AEN: variants seen among roughly 807,000 people sequenced by gnomAD.
The protein encoded by AEN is apoptosis enhancing nuclease.
AEN carries 21 observed loss-of-function variants against 17.7 expected under a neutral mutation model. The observed-to-expected ratio is 1.19, with a 90% CI of 0.84 to 1.71. The LOEUF is 1.71. Among genes scored for constraint, AEN ranks in the 40% most tolerant of loss-of-function variants. The pLI is 0.00. For synonymous variants in AEN, 190 were observed against 173.0 expected (o/e 1.10, Z -0.77); for missense variants, 462 against 435.9 (o/e 1.06, Z -0.53).
At chr15:88,613,160 T>C in the AEN span, among the ~76,000 whole-genome samples, 1 of 152,186 alleles carries the variant, frequency 6.6e-6, no homozygotes. Context: ...CTGAGCTCAT[T>C]CTACCTCTTC....
intron 2 of AEN, chr15:88,628,797 A>G (rs566813247): frequency 6.1e-6 from 1 of 164,010 alleles, no homozygotes; most frequent in Non-Finnish European, 1.3e-5. Flanking sequence ...AAGAAGTCCA[A>G]CATGGTCCCT....
chr15:88,614,751 C>T, the AEN span, among the ~76,000 whole-genome samples: 1 of 152,178 alleles, frequency 6.6e-6, no homozygotes, highest in Non-Finnish European at 1.5e-5. Context: ...TTGTCAGTCT[C>T]AGCGACAAAC....
At chr15:88,607,350 C>T in the AEN span, among the ~76,000 whole-genome samples, 6 of 152,220 alleles carry the variant, frequency 3.9e-5, no homozygotes, top group East Asian at 1.9e-4. Flanking sequence ...CCACTTTCAC[C>T]TGTCAGCCTT....
At position 88,626,345 on chromosome 15, in the gene AEN, T is replaced by A. The variant is rs769442751; in HGVS notation, c.136T>A (p.Leu46Met). ...QHQRFMARKA[L>M]LQEQGLLSMP... Reference sequence around the variant, plus strand: ...CCAGCGGTTCATGGCCCGGAAGGCCTTGCTGCAGGAGCAGGGGCTGCTGAG... The same window carrying A: ...CCAGCGGTTCATGGCCCGGAAGGCCATGCTGCAGGAGCAGGGGCTGCTGAG... The change falls in exon 2 of 4, where the codon TTG (leucine) becomes ATG (methionine). Residue 46 changes from leucine (L) to methionine (M), a missense_variant. By Grantham distance (15) the Leu-to-Met change is conservative. Coordinates refer to ENST00000332810, the MANE Select transcript of AEN (RefSeq NM_022767.4). The A allele has an allele frequency of 5.0e-6, 8 of 1,613,312 alleles. No individual in the cohort carries two copies. The South Asian group carries it at 6.6e-5, about 13-fold the overall frequency.
chr15:88,623,527 A>G (rs1284289243), intron 1 of AEN, among the ~76,000 whole-genome samples: 3 of 152,224 alleles, frequency 2.0e-5, no homozygotes, highest in Non-Finnish European at 4.4e-5. Context: ...CTGTTGGGGA[A>G]GGTACAATCA....
the AEN span, among the ~76,000 whole-genome samples, chr15:88,608,441 T>C: frequency 6.6e-5 from 10 of 152,370 alleles, no homozygotes; most frequent in African/African-American, 1.9e-4. Flanking sequence ...TCTTTCCAAG[T>C]CAGTGCAGGT....
upstream of AEN, among the ~76,000 whole-genome samples, chr15:88,620,902 T>C (rs151107559): frequency 2.0e-5 from 3 of 152,280 alleles, no homozygotes; most frequent in African/African-American, 7.2e-5. Context: ...TCAAAGTCTC[T>C]CTTTAGTGCC....
the AEN span, among the ~76,000 whole-genome samples, chr15:88,606,402 G>T: frequency 6.6e-6 from 1 of 152,118 alleles, no homozygotes; most frequent in Non-Finnish European, 1.5e-5. Context: ...GAACATCAAG[G>T]TACGCGTTTT....
rs765489658 is a variant in AEN at position 88,630,927 on chromosome 15, T to C, written c.*633T>C. On this transcript the variant is annotated 3_prime_UTR_variant, in exon 4 of 4. Coordinates refer to ENST00000332810, the MANE Select transcript of AEN (RefSeq NM_022767.4). This position sits in a 1 kb window ranked among gnomAD's most constrained non-coding sequence, Gnocchi z 5.1. ...GGAACTCCGTGCCTGGCCTGTCAGCTCCCTGCTAGGCTACAGTGGAATAGC... is the reference window on the plus strand; with the variant it reads ...GGAACTCCGTGCCTGGCCTGTCAGCCCCCTGCTAGGCTACAGTGGAATAGC... 5.4e-5 allele frequency: 17 copies of C among 316,844 alleles called. No individual in the cohort carries two copies. The highest frequency in any genetic ancestry group is 1.1e-4 in the Non-Finnish European group (17 of 154,066). 19.6% of individuals were successfully genotyped at this position (316,844 alleles called of 1,614,324 possible).
the AEN span, among the ~76,000 whole-genome samples, chr15:88,613,649 T>C: frequency 1.4e-5 from 2 of 148,020 alleles, no homozygotes; most frequent in Admixed American, 1.3e-4. Flanking sequence ...TGTTAAGTGG[T>C]GGGGGGAGTC....
the AEN span, among the ~76,000 whole-genome samples, chr15:88,606,224 C>CCCCTTCCTTTTT: frequency 6.6e-6 from 1 of 152,150 alleles, no homozygotes; most frequent in Admixed American, 6.6e-5. Flanking sequence ...TCGCTCTCTC[C>CCCCTTCCTTTTT]CCCTTCCTTT....
At chr15:88,617,244 C>G (rs975808384), upstream of AEN, among the ~76,000 whole-genome samples, 1 of 151,964 alleles carries the variant, frequency 6.6e-6, no homozygotes, top group Non-Finnish European at 1.5e-5. Context: ...GCATGTGCCA[C>G]CTTGCCTAGC....
the AEN span, among the ~76,000 whole-genome samples, chr15:88,611,425 G>A: frequency 1.8e-5 from 2 of 111,594 alleles, no homozygotes; most frequent in Non-Finnish European, 3.5e-5. Context: ...CTGAGACCTT[G>A]TCTTTACTAA....
chr15:88,619,311 G>A (rs1022398148), upstream of AEN, among the ~76,000 whole-genome samples: 1 of 148,280 alleles, frequency 6.7e-6, no homozygotes, highest in Non-Finnish European at 1.5e-5. Flanking sequence ...TACACATGAG[G>A]AGAGGGAAGC....
At position 88,629,394 on chromosome 15, in the gene AEN, C is replaced by A. The variant is rs2057898265; in HGVS notation, c.709C>A (p.Leu237Met). 6.2e-7 allele frequency: 1 copy of A among 1,613,994 alleles called. No individual in the cohort carries two copies. Among genetic ancestry groups the A allele is most frequent in the Admixed American group, 1.7e-5 (1 of 60,008 alleles). The change falls in exon 3 of 4, where the codon CTG becomes ATG. Residue 237 changes from leucine (L) to methionine (M), a missense_variant. Transcript: ENST00000332810. ...CCGGGCCCGGGTCTCTCTAAAGGAC[C>A]TGGCCCTGCAGCTGCTGCACAAGAA... The part of the protein sequence containing the change: ...HTRARVSLKD[L>M]ALQLLHKKIQ...
chr15:88,618,414 G>A (rs1209511435), upstream of AEN, among the ~76,000 whole-genome samples: 1 of 151,986 alleles, frequency 6.6e-6, no homozygotes, highest in Non-Finnish European at 1.5e-5. Flanking sequence ...AGGTTCTAAG[G>A]GTTAATTTTT....
Position 88,630,483 on chromosome 15 carries a change from G to A in AEN, c.*189G>A, listed in dbSNP as rs2057915234. 3.3e-6 allele frequency: 2 copies of A among 602,126 alleles called. No homozygotes were observed. The highest frequency in any genetic ancestry group is 3.7e-5 in the African/African-American group (2 of 53,842). The allele number at this position is 602,126 out of a possible 1,614,324, so 37.3% of individuals were successfully genotyped here. A position where few individuals can be genotyped will look rare whatever the true frequency, so the allele number is the denominator to read the frequency against. On this transcript the variant is annotated 3_prime_UTR_variant, in exon 4 of 4. Coordinates refer to ENST00000332810, the MANE Select transcript of AEN (RefSeq NM_022767.4). This position sits in a 1 kb window ranked among gnomAD's most constrained non-coding sequence, Gnocchi z 5.1. The stretch of plus-strand genomic sequence containing the variant: ...CACAGCATAGCCCTCTCTCTCTCCA[G>A]GGCTGTTGGTTCTTTCTTCTGACTC...
In AEN at chr15:88,629,416, A is replaced by G. The variant is rs144309175; in HGVS notation, c.731A>G (p.Lys244Arg). The change falls in exon 3 of 4, where the codon AAG becomes AGG. Residue 244 changes from lysine to arginine, a missense_variant. Physicochemically the swap from Lys to Arg is conservative, Grantham distance 26. Transcript: ENST00000332810. The part of the protein sequence containing the change: ...LKDLALQLLH[K>R]KIQVGQHGHS... ...GACCTGGCCCTGCAGCTGCTGCACA[A>G]GAAGATCCAGGTGCGTGGTGGGAGA... The G allele has an allele frequency of 6.7e-5, 108 of 1,613,602 alleles. No homozygotes were observed. The highest frequency in any genetic ancestry group is 8.1e-5 in the Non-Finnish European group (96 of 1,179,770).
chr15:88,612,932 TG>T, the AEN span, among the ~76,000 whole-genome samples: 1 of 152,118 alleles, frequency 6.6e-6, no homozygotes, highest in Admixed American at 6.6e-5. Flanking sequence ...TCCCTCTGCC[TG>T]GGGGGTACCT....
Sources: gnomAD v4.1 joint callset for allele counts (sites outside exome capture counted in the v4.1 genomes callset) on GRCh38, gnomAD v4.1.1 for gene constraint, Gnocchi (gnomAD v3.1) non-coding constraint, MANE v1.5 for transcripts, NCBI Gene and HGNC (gene_info 2026-07-23, HGNC 2026-07-21) for gene names.